Variants in PHKB observed in about 807,000 individuals in gnomAD.
The protein encoded by PHKB is phosphorylase b kinase regulatory subunit beta.
In PHKB, 122 loss-of-function variants were observed where a neutral mutation model predicts 152.1. The observed-to-expected ratio is 0.80, with a 90% CI of 0.69 to 0.93. PHKB has a LOEUF of 0.93. Ranked by LOEUF, PHKB falls within the 40% of genes least tolerant of loss-of-function variation. PHKB has a pLI of 0.00. For missense variants in PHKB, 1,304 were observed against 1,328.4 expected (o/e 0.98, Z 0.29); for synonymous variants, 436 against 464.9 (o/e 0.94, Z 0.80).
At chr16:47,572,035 G>A (rs1332452919) in intron 7 of PHKB, among the ~76,000 whole-genome samples, 1 of 152,124 alleles carries the variant, frequency 6.6e-6, no homozygotes, top group Non-Finnish European at 1.5e-5. Flanking sequence ...TCTTGGCAAG[G>A]GATATAGTCA....
At chr16:47,589,125 A>C (rs1971985481) in intron 10 of PHKB, 23 bp downstream of exon 10, 2 of 1,548,398 alleles carry the variant, frequency 1.3e-6, no homozygotes, top group Admixed American at 1.7e-5. Context: ...ATTCCATGGT[A>C]ATCGCATATC....
chr16:47,615,158 A>C (rs1972493060), intron 14 of PHKB, among the ~76,000 whole-genome samples: 2 of 152,128 alleles, frequency 1.3e-5, no homozygotes, highest in South Asian at 4.1e-4. Context: ...TCCTTATGCC[A>C]CTGGGTAGAG....
intron 7 of PHKB, among the ~76,000 whole-genome samples, chr16:47,554,458 G>A (rs1971330320): frequency 6.6e-6 from 1 of 152,176 alleles, no homozygotes; most frequent in Non-Finnish European, 1.5e-5. Context: ...TGGGCTCTAT[G>A]GGGGTGGGAT....
chr16:47,635,874 CAG>C (rs1972910425), intron 14 of PHKB, among the ~76,000 whole-genome samples: 1 of 152,226 alleles, frequency 6.6e-6, no homozygotes, highest in Non-Finnish European at 1.5e-5. Flanking sequence ...AGCACTTAAG[CAG>C]TTCCTGGCAT....
intron 7 of PHKB, among the ~76,000 whole-genome samples, chr16:47,576,773 C>T (rs1460658070): frequency 1.3e-5 from 2 of 152,050 alleles, no homozygotes; most frequent in Admixed American, 1.3e-4. Context: ...TTAATATAGT[C>T]ACTCCTGCAT....
At chr16:47,529,778 A>G (rs1201007585) in intron 6 of PHKB, 1 of 152,208 alleles carries the variant, frequency 6.6e-6, no homozygotes, top group Non-Finnish European at 1.5e-5. Flanking sequence ...TCAGGGTTTT[A>G]TTATCAAGAA....
chr16:47,664,109 A>AAAAATTT (rs1973493842), intron 24 of PHKB: 1 of 212,888 alleles, frequency 4.7e-6, no homozygotes, highest in Non-Finnish European at 9.4e-6. Flanking sequence ...ATCTAATCAT[A>AAAAATTT]AGCAAAAATA....
chr16:47,465,977 AT>A (rs752505485), intron 1 of PHKB, among the ~76,000 whole-genome samples: 1 of 152,200 alleles, frequency 6.6e-6, no homozygotes, highest in Non-Finnish European at 1.5e-5. Flanking sequence ...TAGTATCTTG[AT>A]TTTGAAAAAT....
rs566953113 is a variant in PHKB, at chr16:47,483,406, A to G, written c.77-13993A>G. On this transcript the variant is annotated intron_variant, in intron 1 of 30. Coordinates refer to ENST00000323584, the MANE Select transcript of PHKB (RefSeq NM_000293.3). ...AGTTCTTTTCCCCTCCATATAATTC[A>G]GTTAATATGGTGAACTAAGACTCTG... is the stretch of plus-strand genomic sequence containing the variant. Among the ~76,000 whole-genome samples, 3 of 152,256 alleles carry G rather than the reference A, an allele frequency of 2.0e-5. No individual in the cohort carries two copies. In the East Asian group the frequency reaches 5.8e-4, roughly 29 times the overall value.
intron 13 of PHKB, chr16:47,598,545 A>AT (rs1161784809): frequency 9.0e-6 from 6 of 665,620 alleles, no homozygotes; most frequent in Non-Finnish European, 1.5e-5. Context: ...CATATTTTCT[A>AT]TATCACTTTT....
chr16:47,577,808 T>TA (rs1046157367), intron 7 of PHKB, among the ~76,000 whole-genome samples: 1 of 152,198 alleles, frequency 6.6e-6, no homozygotes, highest in Admixed American at 6.5e-5. Flanking sequence ...TTTCAGAAGT[T>TA]ACGATGTGTC....
intron 26 of PHKB, among the ~76,000 whole-genome samples, chr16:47,674,875 C>T (rs1973699618): frequency 6.6e-6 from 1 of 152,196 alleles, no homozygotes; most frequent in Admixed American, 6.5e-5. Flanking sequence ...TCTTCCACCT[C>T]CCCTAAGGCA....
At chr16:47,545,483 C>A (rs531099909) in intron 6 of PHKB, among the ~76,000 whole-genome samples, 17 of 152,276 alleles carry the variant, frequency 1.1e-4, no homozygotes, top group African/African-American at 2.4e-4. Flanking sequence ...GATGGGCTTC[C>A]CTTTGTGGGT....
chr16:47,594,922 G>T (rs979652495), intron 12 of PHKB, among the ~76,000 whole-genome samples: 1 of 152,118 alleles, frequency 6.6e-6, no homozygotes, highest in Admixed American at 6.6e-5. Flanking sequence ...TGAAATTTGT[G>T]ATATTCTTTG....
rs575450502 is a variant in PHKB at position 47,488,406 on chromosome 16, G to A, written c.77-8993G>A. Among the ~76,000 whole-genome samples, 4 of 152,140 alleles carry A rather than the reference G, an allele frequency of 2.6e-5. No homozygotes were observed. In the South Asian group the frequency reaches 6.2e-4, roughly 24 times the overall value. On this transcript the variant is annotated intron_variant, in intron 1 of 30. Transcript: ENST00000323584. The stretch of plus-strand genomic sequence containing the variant: ...CTCTAGATTGTCTGTTTGCTCTATC[G>A]GTAGTTTCTTTTGCTGTGAAGAAGC...
chr16:47,467,953 G>A (rs1319057789), intron 1 of PHKB, among the ~76,000 whole-genome samples: 3 of 152,028 alleles, frequency 2.0e-5, no homozygotes, highest in Non-Finnish European at 2.9e-5. Context: ...AAATGTAACC[G>A]GAACAAAACA....
intron 25 of PHKB, 24 bp downstream of exon 25, chr16:47,664,999 C>T: frequency 6.8e-7 from 1 of 1,481,058 alleles, no homozygotes; most frequent in South Asian, 1.1e-5. Flanking sequence ...AATTTGAAAA[C>T]CCAAGCTGCT....
intron 1 of PHKB, among the ~76,000 whole-genome samples, chr16:47,496,171 A>G (rs1309899223): frequency 6.6e-6 from 1 of 151,866 alleles, no homozygotes; most frequent in Non-Finnish European, 1.5e-5. Context: ...TTTTTGTGCT[A>G]TGTTCTTAGA....
At chr16:47,503,845 AAAAG>A (rs879932588) in intron 4 of PHKB, among the ~76,000 whole-genome samples, 7 of 152,196 alleles carry the variant, frequency 4.6e-5, no homozygotes, top group Admixed American at 1.3e-4. Flanking sequence ...AAAAAGAAAA[AAAAG>A]AAAACAGCTT....
Sources: gnomAD v4.1 joint callset for allele counts (sites outside exome capture counted in the v4.1 genomes callset) on GRCh38, gnomAD v4.1.1 for gene constraint, MANE v1.5 for transcripts, NCBI Gene and HGNC (gene_info 2026-07-23, HGNC 2026-07-21) for gene names.